The following BMPR1A variants were observed in gnomAD, a reference collection of about 807,000 sequenced individuals.
The protein encoded by BMPR1A is bone morphogenetic protein receptor type 1A.
BMPR1A carries 7 observed loss-of-function variants against 66.0 expected under a neutral mutation model. That is an observed-to-expected ratio of 0.11 (90% confidence interval 0.06 to 0.20). The LOEUF (loss-of-function observed/expected upper bound fraction) is 0.20, where lower values mean the gene tolerates loss of function less well. Ranked by LOEUF, BMPR1A falls within the 10% of genes least tolerant of loss-of-function variation. The pLI, the probability that BMPR1A is intolerant of heterozygous loss-of-function variation, is 1.00. For missense variants in BMPR1A, 408 were observed against 669.1 expected (o/e 0.61, Z 4.31); for synonymous variants, 200 against 229.7 (o/e 0.87, Z 1.17).
chr10:86,794,775 A>G (rs990474396), intron 1 of BMPR1A, among the ~76,000 whole-genome samples: 6 of 151,858 alleles, frequency 4.0e-5, no homozygotes, highest in Non-Finnish European at 5.9e-5. Context: ...GACTTCTGTG[A>G]TTCGTATAGT....
intron 1 of BMPR1A, among the ~76,000 whole-genome samples, chr10:86,775,797 A>G (rs1482013870): frequency 6.6e-6 from 1 of 152,056 alleles, no homozygotes; most frequent in East Asian, 1.9e-4. Context: ...TACTGTATGT[A>G]TCTTCCTAAG....
chr10:86,824,113 T>TGTGTGTGTGTG (rs1842160463), intron 1 of BMPR1A, among the ~76,000 whole-genome samples: 1 of 62,740 alleles, frequency 1.6e-5, no homozygotes, highest in African/African-American at 6.8e-5. Context: ...GTGTGTGTGT[T>TGTGTGTGTGTG]TCTTTCAGTC....
intron 5 of BMPR1A, 100 bp downstream of exon 5, chr10:86,892,329 A>G (rs1463778945): frequency 2.3e-6 from 2 of 875,526 alleles, no homozygotes; most frequent in African/African-American, 1.7e-5. Flanking sequence ...ACATCGCTGT[A>G]TGTTCACATC....
intron 1 of BMPR1A, among the ~76,000 whole-genome samples, chr10:86,829,463 A>G (rs1291342183): frequency 1.3e-5 from 2 of 152,236 alleles, no homozygotes; most frequent in South Asian, 2.1e-4. Context: ...TAAACTAGAA[A>G]TTGACATTGG....
At chr10:86,901,774 G>A (rs988593509) in intron 7 of BMPR1A, among the ~76,000 whole-genome samples, 1 of 151,764 alleles carries the variant, frequency 6.6e-6, no homozygotes, top group Non-Finnish European at 1.5e-5. Context: ...AATATCTCAA[G>A]GTGATTTTAA....
At chr10:86,827,073 C>T (rs1842206104) in intron 1 of BMPR1A, among the ~76,000 whole-genome samples, 1 of 152,090 alleles carries the variant, frequency 6.6e-6, no homozygotes, top group Non-Finnish European at 1.5e-5. Context: ...AAACTTCTAT[C>T]TTGAGAAATG....
At chr10:86,785,428 C>G (rs1007794396) in intron 1 of BMPR1A, among the ~76,000 whole-genome samples, 2 of 152,212 alleles carry the variant, frequency 1.3e-5, no homozygotes, top group Admixed American at 6.5e-5. Flanking sequence ...GCCTCACCTT[C>G]CCGAGTAGCT....
Position 86,854,132 on chromosome 10 carries a change from G to T in BMPR1A, c.-153+15153G>T, listed in dbSNP as rs74533836. 8.0e-3 allele frequency among the ~76,000 whole-genome samples: 1,213 copies of T among 152,298 alleles called. 33 individuals are homozygous for T. The highest frequency in any genetic ancestry group is 0.064 in the East Asian group (334 of 5,186). On this transcript the variant is annotated intron_variant, in intron 2 of 12. Coordinates refer to ENST00000372037, the MANE Select transcript of BMPR1A (RefSeq NM_004329.3). ...CAGGGATGTTCCTTGCTGAGAAAAA[G>T]AATTCAGCAATATTTCTCCTATTTG...
chr10:86,845,546 T>G (rs1442418501), intron 2 of BMPR1A, among the ~76,000 whole-genome samples: 3 of 152,124 alleles, frequency 2.0e-5, no homozygotes, highest in Admixed American at 6.5e-5. Context: ...GCATGCCACA[T>G]AGACCTGCCC....
rs1843750359 is a variant in BMPR1A, at chr10:86,926,657, G to A, written c.*2938G>A. On this transcript the variant is annotated 3_prime_UTR_variant, in exon 13 of 13. Transcript: ENST00000372037. Reference sequence around the variant, plus strand: ...TTTAAAGAATATGATAGGCCAGCAAGAAGAAGTATTATGTAGTACCATAGT... The same window carrying A: ...TTTAAAGAATATGATAGGCCAGCAAAAAGAAGTATTATGTAGTACCATAGT... The A allele has an allele frequency of 1.1e-5, 2 of 183,488 alleles. No individual in the cohort carries two copies. The allele number at this position is 183,488 out of a possible 1,614,324, so 11.4% of individuals were successfully genotyped here.
chr10:86,919,513 C>T (rs1337491678), intron 10 of BMPR1A, 44 bp downstream of exon 10: 1 of 1,600,922 alleles, frequency 6.2e-7, no homozygotes. Context: ...ATTTTAATTT[C>T]CAAAAGATAT....
At chr10:86,869,730 C>G (rs1589754409) in intron 2 of BMPR1A, among the ~76,000 whole-genome samples, 1 of 151,310 alleles carries the variant, frequency 6.6e-6, no homozygotes, top group East Asian at 1.9e-4. Flanking sequence ...GCACTGCAGC[C>G]TGGGCAACAA....
At chr10:86,913,145 G>A (rs549839113) in intron 8 of BMPR1A, among the ~76,000 whole-genome samples, 24 of 151,914 alleles carry the variant, frequency 1.6e-4, no homozygotes, top group African/African-American at 5.6e-4. Flanking sequence ...TAATCGTATC[G>A]AGATAGTCTT....
chr10:86,796,701 C>T (rs1399039726), intron 1 of BMPR1A, among the ~76,000 whole-genome samples: 1 of 151,920 alleles, frequency 6.6e-6, no homozygotes, highest in Non-Finnish European at 1.5e-5. Context: ...CTCAGCCTCC[C>T]AAGTAGCTGG....
intron 2 of BMPR1A, among the ~76,000 whole-genome samples, chr10:86,861,660 T>C (rs1205783720): frequency 6.6e-6 from 1 of 152,262 alleles, no homozygotes. Flanking sequence ...ACCCAAGCCA[T>C]TGTTTGCCTT....
intron 1 of BMPR1A, among the ~76,000 whole-genome samples, chr10:86,838,372 C>T (rs1842380264): frequency 6.6e-6 from 1 of 152,142 alleles, no homozygotes; most frequent in Admixed American, 6.5e-5. Flanking sequence ...CCAACCAGTG[C>T]AATTAATTCT....
intron 3 of BMPR1A, among the ~76,000 whole-genome samples, chr10:86,886,060 T>A (rs1843063339): frequency 6.6e-6 from 1 of 152,214 alleles, no homozygotes; most frequent in Non-Finnish European, 1.5e-5. Flanking sequence ...ATTAAATATT[T>A]TGTGTGTGTT....
intron 1 of BMPR1A, among the ~76,000 whole-genome samples, chr10:86,770,041 CA>C (rs1470381691): frequency 2.0e-5 from 3 of 151,962 alleles, no homozygotes; most frequent in Non-Finnish European, 4.4e-5. Flanking sequence ...CCTATAATCG[CA>C]GTACTTTGGG....
At chr10:86,901,905 C>G (rs561260310) in intron 7 of BMPR1A, among the ~76,000 whole-genome samples, 173 of 115,798 alleles carry the variant, frequency 1.5e-3, no homozygotes, top group Non-Finnish European at 2.0e-3. Context: ...CACTCTGTCT[C>G]CCAGGTGGAG....
Sources: gnomAD v4.1 joint callset for allele counts (sites outside exome capture counted in the v4.1 genomes callset) on GRCh38, gnomAD v4.1.1 for gene constraint, MANE v1.5 for transcripts, NCBI Gene and HGNC (gene_info 2026-07-23, HGNC 2026-07-21) for gene names.